Variants in EXTL3 observed in about 807,000 individuals in gnomAD.
The protein encoded by EXTL3 is exostosin-like 3.
Under a neutral mutation model 69.3 loss-of-function variants are expected in EXTL3, and 27 were observed. That is an observed-to-expected ratio of 0.39 (90% CI 0.29 to 0.54). The LOEUF (loss-of-function observed/expected upper bound fraction) is 0.54. Ranked by LOEUF, EXTL3 falls within the 20% of genes least tolerant of loss-of-function variation. The pLI is 0.69. For missense variants in EXTL3, 1,003 were observed against 1,231.8 expected (o/e 0.81, Z 2.78); for synonymous variants, 511 against 499.4 (o/e 1.02, Z -0.31).
chr8:28,642,095 A>C (rs1806753746), intron 1 of EXTL3, among the ~76,000 whole-genome samples: 1 of 151,898 alleles, frequency 6.6e-6, no homozygotes, highest in South Asian at 2.1e-4. Context: ...TCAGCCTCCC[A>C]AAGTGCTGGG....
Position 28,671,311 on chromosome 8 carries a change from T to TG in EXTL3, c.-52-42146_-52-42145insG, listed in dbSNP as rs1211237678. Reference sequence around the variant, plus strand: ...TTTATTTTTATGTTTTGTTTTTTGTTTTTTTTTTTTTTTTTTTTGAGACCG... The same window carrying TG: ...TTTATTTTTATGTTTTGTTTTTTGTTGTTTTTTTTTTTTTTTTTTGAGACCG... On this transcript the variant is annotated intron_variant, in intron 1 of 6. Coordinates refer to the EXTL3 transcript ENST00000523149. Among the ~76,000 whole-genome samples, 16 of 123,050 alleles carry TG rather than the reference T, an allele frequency of 1.3e-4. No individual in the cohort carries two copies. The East Asian group carries it at 3.4e-3, about 27-fold the overall frequency. 80.7% of individuals were successfully genotyped at this position (123,050 alleles called of 152,430 possible).
intron 1 of EXTL3, among the ~76,000 whole-genome samples, chr8:28,665,138 AT>A (rs1185724693): frequency 7.5e-6 from 1 of 133,804 alleles, no homozygotes; most frequent in Non-Finnish European, 1.5e-5. Flanking sequence ...ATGGTGTGAC[AT>A]CAGTTCACTG....
chr8:28,692,080 T>A (rs926134142), intron 1 of EXTL3, among the ~76,000 whole-genome samples: 2 of 152,228 alleles, frequency 1.3e-5, no homozygotes, highest in Non-Finnish European at 2.9e-5. Context: ...TTGCATCATT[T>A]ATGTCAAGTA....
At chr8:28,709,144 A>C (rs1250257828) in intron 1 of EXTL3, among the ~76,000 whole-genome samples, 1 of 152,206 alleles carries the variant, frequency 6.6e-6, no homozygotes, top group Non-Finnish European at 1.5e-5. Context: ...TTTGAATTCA[A>C]GTTTTACCAC....
At chr8:28,618,606 G>C (rs897586850), upstream of EXTL3, among the ~76,000 whole-genome samples, 1 of 152,140 alleles carries the variant, frequency 6.6e-6, no homozygotes, top group African/African-American at 2.4e-5. Context: ...GCAGGAAGGA[G>C]CATATGGCTG....
At chr8:28,663,059 G>A (rs73232995) in intron 1 of EXTL3, among the ~76,000 whole-genome samples, 17,504 of 152,182 alleles carry the variant, frequency 0.12, 1,194 homozygotes, top group East Asian at 0.24. Context: ...CTGATTTATC[G>A]TCAAAAATAA....
At chr8:28,668,952 C>A (rs1460165231) in intron 1 of EXTL3, among the ~76,000 whole-genome samples, 1 of 147,202 alleles carries the variant, frequency 6.8e-6, no homozygotes, top group East Asian at 2.0e-4. Flanking sequence ...CAACCTCCGT[C>A]TCCTGGGTTC....
chr8:28,627,179 C>T (rs1212706032), intron 1 of EXTL3, among the ~76,000 whole-genome samples: 2 of 149,462 alleles, frequency 1.3e-5, no homozygotes, highest in African/African-American at 2.5e-5. Context: ...CAGAGCGAGA[C>T]TCCATCTCAA....
chr8:28,611,864 G>C (rs555016989), intron 2 of EXTL3, among the ~76,000 whole-genome samples: 1 of 152,136 alleles, frequency 6.6e-6, no homozygotes, highest in Non-Finnish European at 1.5e-5. Flanking sequence ...GAGTCTGTTC[G>C]CTGCGATGCC....
Position 28,708,976 on chromosome 8 carries a change from T to C in EXTL3, c.-569-4481T>C, listed in dbSNP as rs994525170. Among the ~76,000 whole-genome samples, 9 of 152,210 alleles carry C rather than the reference T, an allele frequency of 5.9e-5. 2 individuals carry two copies. The highest frequency in any genetic ancestry group is 5.9e-4 in the Admixed American group (9 of 15,284). On this transcript the variant is annotated intron_variant, in intron 1 of 6. Coordinates refer to ENST00000220562, the MANE Select transcript of EXTL3 (RefSeq NM_001440.4). ...GTGTGTCAATTGTAATTATTATTCA[T>C]GGTTACAGCGGAGTAGCAGTGATAT... is the stretch of plus-strand genomic sequence containing the variant.
intron 3 of EXTL3, among the ~76,000 whole-genome samples, chr8:28,724,928 G>A (rs973146369): frequency 6.6e-6 from 1 of 152,120 alleles, no homozygotes; most frequent in Non-Finnish European, 1.5e-5. Flanking sequence ...TCCTGAGCTG[G>A]GTGGGCATGA....
upstream of EXTL3, chr8:28,701,030 G>C (rs1431445747): frequency 6.6e-6 from 1 of 152,260 alleles, no homozygotes; most frequent in Non-Finnish European, 1.5e-5. Context: ...CCTTGTCTTT[G>C]TTATGAAATA....
intron 2 of EXTL3, among the ~76,000 whole-genome samples, chr8:28,608,097 G>A (rs1317339356): frequency 8.7e-5 from 13 of 149,078 alleles, no homozygotes; most frequent in South Asian, 8.4e-4. Context: ...GCGACAGAGC[G>A]AGACACCATC....
In EXTL3 at chr8:28,625,829, A is replaced by C. The variant is rs543752678; in HGVS notation, c.-53+3019A>C. Among the ~76,000 whole-genome samples the C allele has an allele frequency of 1.2e-4, 19 of 152,054 alleles. No individual in the cohort carries two copies. The South Asian group carries it at 3.9e-3, about 32-fold the overall frequency. Reference sequence around the variant, plus strand: ...CTAAGTTTTAGCCAGAAGTGGGAGGAGACTGCTCCAGGTAGAGGGAACAAA... The same window carrying C: ...CTAAGTTTTAGCCAGAAGTGGGAGGCGACTGCTCCAGGTAGAGGGAACAAA... On this transcript the variant is annotated intron_variant, in intron 1 of 6. Coordinates refer to the EXTL3 transcript ENST00000523149.
intron 1 of EXTL3, among the ~76,000 whole-genome samples, chr8:28,664,816 C>G (rs1178903464): frequency 6.6e-6 from 1 of 152,108 alleles, no homozygotes; most frequent in African/African-American, 2.4e-5. Context: ...GAATGCAACA[C>G]CATTAGGTCT....
chr8:28,709,033 ATG>A (rs750050322), intron 1 of EXTL3, among the ~76,000 whole-genome samples: 3 of 152,072 alleles, frequency 2.0e-5, no homozygotes, highest in Admixed American at 6.5e-5. Flanking sequence ...CATGATAGGC[ATG>A]TGTGTGTGTG....
chr8:28,671,477 T>C (rs751003714), intron 1 of EXTL3, among the ~76,000 whole-genome samples: 3 of 151,822 alleles, frequency 2.0e-5, no homozygotes, highest in African/African-American at 4.8e-5. Flanking sequence ...GTAGGTGAGA[T>C]TACAGGTGTG....
intron 1 of EXTL3, among the ~76,000 whole-genome samples, chr8:28,659,674 C>T (rs542555069): frequency 1.3e-5 from 2 of 152,290 alleles, no homozygotes; most frequent in East Asian, 1.9e-4. Flanking sequence ...TAATTGCTGC[C>T]GGTCCTGTCA....
chr8:28,709,751 C>G (rs971454624), intron 1 of EXTL3, among the ~76,000 whole-genome samples: 1 of 152,080 alleles, frequency 6.6e-6, no homozygotes, highest in Non-Finnish European at 1.5e-5. Context: ...AAAGCAAGGC[C>G]GTGAGTAATG....
Sources: gnomAD v4.1 joint callset for allele counts (sites outside exome capture counted in the v4.1 genomes callset) on GRCh38, gnomAD v4.1.1 for gene constraint, MANE v1.5 for transcripts, NCBI Gene and HGNC (gene_info 2026-07-23, HGNC 2026-07-21) for gene names.